Variants in GALNTL6 observed in about 807,000 individuals in gnomAD.
The protein encoded by GALNTL6 is polypeptide N-acetylgalactosaminyltransferase like 6, also known as polypeptide N-acetylgalactosaminyltransferase-like 6.
A neutral mutation model predicts 73.7 loss-of-function variants in GALNTL6; 46 were observed. The ratio of observed to expected loss-of-function variants is 0.62; its 90% CI spans 0.49 to 0.80. The LOEUF (loss-of-function observed/expected upper bound fraction) is 0.80. Ranked by LOEUF, GALNTL6 falls within the 30% of genes least tolerant of loss-of-function variation. The pLI is 0.00. For missense variants in GALNTL6, 604 were observed against 755.0 expected (o/e 0.80, Z 2.34); for synonymous variants, 259 against 263.7 (o/e 0.98, Z 0.17).
At chr4:172,528,977 T>TATATA (rs1561123759) in intron 5 of GALNTL6, among the ~76,000 whole-genome samples, 13 of 6,602 alleles carry the variant, frequency 2.0e-3, no homozygotes, top group African/African-American at 3.3e-3. Context: ...GTGTGTATAT[T>TATATA]TATACATATG....
chr4:172,289,817 C>G (rs1309076810), intron 3 of GALNTL6, among the ~76,000 whole-genome samples: 1 of 152,184 alleles, frequency 6.6e-6, no homozygotes, highest in Non-Finnish European at 1.5e-5. Context: ...TTCAGCAACC[C>G]TCCTAGAAGA....
intron 2 of GALNTL6, among the ~76,000 whole-genome samples, chr4:172,177,819 GTATATATACACACACATATATAT>G (rs1735088877): frequency 7.6e-6 from 1 of 131,390 alleles, no homozygotes; most frequent in Admixed American, 7.3e-5. Flanking sequence ...ATATGTGTGT[GTATATATACACACACATATATAT>G]GTGTATATAT....
At chr4:171,927,975 A>G (rs1167064295) in intron 2 of GALNTL6, among the ~76,000 whole-genome samples, 1 of 151,994 alleles carries the variant, frequency 6.6e-6, no homozygotes, top group Non-Finnish European at 1.5e-5. Flanking sequence ...AAAAATTACC[A>G]CTCACTAGAG....
At chr4:172,949,283 C>T (rs2126336697) in intron 9 of GALNTL6, among the ~76,000 whole-genome samples, 1 of 152,292 alleles carries the variant, frequency 6.6e-6, no homozygotes, top group East Asian at 1.9e-4. Context: ...AACTTCATGG[C>T]ACTTATGGTC....
At chr4:172,476,051 T>TAA (rs1733218587) in intron 5 of GALNTL6, among the ~76,000 whole-genome samples, 1 of 152,250 alleles carries the variant, frequency 6.6e-6, no homozygotes, top group East Asian at 1.9e-4. Flanking sequence ...AGTAGTTCCT[T>TAA]AGACTGCACC....
At chr4:171,956,013 T>A (rs55681550) in intron 2 of GALNTL6, among the ~76,000 whole-genome samples, 1 of 151,206 alleles carries the variant, frequency 6.6e-6, no homozygotes, top group Non-Finnish European at 1.5e-5. Context: ...TGTGTGTGTG[T>A]GGGACAGGGC....
At chr4:172,928,991 T>C (rs1224362787) in intron 8 of GALNTL6, among the ~76,000 whole-genome samples, 1 of 152,214 alleles carries the variant, frequency 6.6e-6, no homozygotes, top group Non-Finnish European at 1.5e-5. Context: ...AGTTGATTTC[T>C]TAAGATCCTG....
In GALNTL6 at chr4:171,872,217, T is replaced by G. The variant is rs190241283; in HGVS notation, c.138+57499T>G. On this transcript the variant is annotated intron_variant, in intron 2 of 12. Transcript: ENST00000506823. ...CAAATGAGATCATTCATGGCACACC[T>G]GACAAGACTTTTTCTTGAATCATGC... is the stretch of plus-strand genomic sequence containing the variant. Among the ~76,000 whole-genome samples, 879 of 152,338 alleles carry G rather than the reference T, an allele frequency of 5.8e-3. 10 individuals carry two copies. The highest frequency in any genetic ancestry group is 0.02 in the African/African-American group (821 of 41,588).
At chr4:172,341,576 GT>G (rs1741568816) in intron 4 of GALNTL6, among the ~76,000 whole-genome samples, 1 of 152,250 alleles carries the variant, frequency 6.6e-6, no homozygotes, top group East Asian at 1.9e-4. Context: ...GAGGGACCTG[GT>G]TGGAGATGAT....
At chr4:172,934,746 G>C (rs1488801326) in intron 9 of GALNTL6, among the ~76,000 whole-genome samples, 1 of 152,230 alleles carries the variant, frequency 6.6e-6, no homozygotes, top group African/African-American at 2.4e-5. Flanking sequence ...CAGCAGGGCT[G>C]TGGTGACAAT....
At chr4:172,632,772 G>T (rs1410103012) in intron 5 of GALNTL6, among the ~76,000 whole-genome samples, 1 of 152,176 alleles carries the variant, frequency 6.6e-6, no homozygotes, top group Non-Finnish European at 1.5e-5. Flanking sequence ...ATGCCTAGAG[G>T]CCTAGTAGGG....
chr4:172,750,017 A>G (rs1191113948), intron 5 of GALNTL6, among the ~76,000 whole-genome samples: 1 of 152,206 alleles, frequency 6.6e-6, no homozygotes, highest in Non-Finnish European at 1.5e-5. Flanking sequence ...CTGCACTACT[A>G]AATGATTTAG....
At chr4:172,764,734 A>T (rs1352381813) in intron 5 of GALNTL6, among the ~76,000 whole-genome samples, 2 of 152,176 alleles carry the variant, frequency 1.3e-5, no homozygotes, top group Non-Finnish European at 2.9e-5. Flanking sequence ...ATAGAATCAC[A>T]TGTGAGTTTC....
At chr4:173,011,510 TC>T (rs1259421399) in intron 11 of GALNTL6, among the ~76,000 whole-genome samples, 1 of 152,194 alleles carries the variant, frequency 6.6e-6, no homozygotes, top group Non-Finnish European at 1.5e-5. Flanking sequence ...AAGTCTTTAA[TC>T]CATTTTAATT....
chr4:172,541,632 A>T (rs1735552439), intron 5 of GALNTL6, among the ~76,000 whole-genome samples: 1 of 152,230 alleles, frequency 6.6e-6, no homozygotes, highest in Admixed American at 6.5e-5. Flanking sequence ...TCAAGTGCAC[A>T]TTTGGACCTT....
intron 2 of GALNTL6, among the ~76,000 whole-genome samples, chr4:172,220,707 A>G (rs1248340206): frequency 6.6e-6 from 1 of 151,850 alleles, no homozygotes; most frequent in African/African-American, 2.4e-5. Context: ...TGAGTCTTTC[A>G]AATACAAAGT....
intron 2 of GALNTL6, among the ~76,000 whole-genome samples, chr4:171,897,820 CG>C (rs1736971338): frequency 1.3e-5 from 2 of 149,522 alleles, no homozygotes; most frequent in South Asian, 4.4e-4. Flanking sequence ...CCCAGCTACT[CG>C]GGAGGCTGAG....
intron 2 of GALNTL6, among the ~76,000 whole-genome samples, chr4:171,999,622 G>A (rs550859609): frequency 5.9e-5 from 9 of 152,110 alleles, no homozygotes; most frequent in African/African-American, 2.2e-4. Context: ...CATCTAAAAT[G>A]TTCATCTCTC....
At chr4:172,100,551 A>G (rs933011233) in intron 2 of GALNTL6, among the ~76,000 whole-genome samples, 1 of 152,214 alleles carries the variant, frequency 6.6e-6, no homozygotes, top group African/African-American at 2.4e-5. Context: ...GAAATGGTAA[A>G]GCTGTATGAG....
Sources: gnomAD v4.1 joint callset for allele counts (sites outside exome capture counted in the v4.1 genomes callset) on GRCh38, gnomAD v4.1.1 for gene constraint, MANE v1.5 for transcripts, NCBI Gene and HGNC (gene_info 2026-07-23, HGNC 2026-07-21) for gene names.